The following ANXA6 variants were observed in gnomAD, a reference collection of about 807,000 sequenced individuals.
ANXA6 encodes the protein 67 kDa calelectrin.
ANXA6 carries 71 observed loss-of-function variants against 95.4 expected under a neutral mutation model. The ratio of observed to expected loss-of-function variants is 0.74; its 90% CI spans 0.61 to 0.91. ANXA6 has a LOEUF of 0.91. Ranked by LOEUF, ANXA6 falls within the 40% of genes least tolerant of loss-of-function variation. The pLI is 0.00. For synonymous variants in ANXA6, 289 were observed against 315.9 expected (o/e 0.91, Z 0.90); for missense variants, 830 against 876.4 (o/e 0.95, Z 0.67).
intron 14 of ANXA6, 31 bp downstream of exon 14, chr5:151,126,371 G>T (rs1468488467): frequency 1.3e-6 from 2 of 1,578,380 alleles, no homozygotes; most frequent in East Asian, 2.3e-5. Context: ...CTGTGGTCAA[G>T]AGGTCAAGCA....
At chr5:151,135,086 G>A (rs1765619128) in intron 7 of ANXA6, among the ~76,000 whole-genome samples, 1 of 152,138 alleles carries the variant, frequency 6.6e-6, no homozygotes, top group Non-Finnish European at 1.5e-5. Flanking sequence ...GGGAAGAGGG[G>A]CGAGCAGTAC....
At chr5:151,108,613 C>G in intron 22 of ANXA6, 63 bp from the exon 23 acceptor site, 1 of 1,427,366 alleles carries the variant, frequency 7.0e-7, no homozygotes, top group South Asian at 1.1e-5. Flanking sequence ...GAGGACCCCT[C>G]CTCAGCCCCA....
At chr5:151,128,764 G>T (rs946788430) in intron 12 of ANXA6, among the ~76,000 whole-genome samples, 3 of 152,248 alleles carry the variant, frequency 2.0e-5, no homozygotes, top group African/African-American at 7.2e-5. Flanking sequence ...AAGGCTGTGA[G>T]AAGTTCTGAG....
chr5:151,155,884 G>C (rs1005818474), intron 1 of ANXA6, among the ~76,000 whole-genome samples: 19 of 152,298 alleles, frequency 1.2e-4, no homozygotes, highest in African/African-American at 4.6e-4. Context: ...GCTGGATCCT[G>C]GTGGCCCAGG....
chr5:151,147,797 G>A, intron 2 of ANXA6, 87 bp downstream of exon 2: 8 of 1,423,542 alleles, frequency 5.6e-6, no homozygotes, highest in African/African-American at 1.4e-5. Flanking sequence ...AGGTACCAGG[G>A]GTCTCTGTAG....
At chr5:151,134,360 GCCCCAACCTCT>G in intron 8 of ANXA6, 56 bp downstream of exon 8, 1 of 1,539,884 alleles carries the variant, frequency 6.5e-7, no homozygotes, top group Admixed American at 1.7e-5. Flanking sequence ...CCTTCCCAGG[GCCCCAACCTCT>G]CCCCTCCCAA....
rs1765763043 is a variant in ANXA6 at position 151,139,376 on chromosome 5, T to C, written c.181A>G (p.Ser61Gly). 6.2e-7 allele frequency: 1 copy of C among 1,612,698 alleles called. No individual in the cohort carries two copies. Among genetic ancestry groups the C allele is most frequent in the East Asian group, 2.2e-5 (1 of 44,866 alleles). The change falls in exon 4 of 26, where the codon AGC becomes GGC. Residue 61 changes from serine to glycine, a missense_variant. By Grantham distance (56) the Ser-to-Gly change is moderately conservative. Transcript: ENST00000354546. ...ACCTTGCCGTAGAGGGACTTGTAGCTCTGGCAGACCTCCTGCCTCTGCCTG... is the reference window on the plus strand; with the variant it reads ...ACCTTGCCGTAGAGGGACTTGTAGCCCTGGCAGACCTCCTGCCTCTGCCTG... ...SNRQRQEVCQ[S>G]YKSLYGKDLI...
At chr5:151,148,800 C>T (rs979918547) in intron 1 of ANXA6, among the ~76,000 whole-genome samples, 1 of 152,040 alleles carries the variant, frequency 6.6e-6, no homozygotes, top group Non-Finnish European at 1.5e-5. Context: ...CCACCACGAG[C>T]TCAGTGTGGC....
At chr5:151,141,663 G>A (rs1765839157) in intron 2 of ANXA6, 2 of 985,364 alleles carry the variant, frequency 2.0e-6, no homozygotes, top group African/African-American at 1.7e-5. Context: ...TCTGTCTGCA[G>A]AGGCTGGCTC....
chr5:151,142,529 C>A (rs1396458506), intron 2 of ANXA6, among the ~76,000 whole-genome samples: 1 of 151,610 alleles, frequency 6.6e-6, no homozygotes, highest in African/African-American at 2.4e-5. Flanking sequence ...AAAATTATTT[C>A]TTTGCAACGA....
intron 14 of ANXA6, among the ~76,000 whole-genome samples, 192 bp from the exon 15 acceptor site, chr5:151,124,559 GAGAAAGAGAC>G: frequency 7.8e-6 from 1 of 128,700 alleles, no homozygotes; most frequent in African/African-American, 3.0e-5. Flanking sequence ...GAGAGAGAGA[GAGAAAGAGAC>G]AGAAAGATAT....
At chr5:151,126,301 T>A in intron 14 of ANXA6, 101 bp downstream of exon 14, 1 of 978,072 alleles carries the variant, frequency 1.0e-6, no homozygotes, top group Non-Finnish European at 1.6e-6. Flanking sequence ...ACGTGTCGGG[T>A]TGGCCGCCAG....
intron 20 of ANXA6, 40 bp from the exon 21 acceptor site, chr5:151,110,684 G>C: frequency 1.9e-6 from 3 of 1,612,020 alleles, no homozygotes; most frequent in Non-Finnish European, 2.5e-6. Flanking sequence ...GAGAAGGGAG[G>C]CAAGAGTCAG....
intron 20 of ANXA6, among the ~76,000 whole-genome samples, chr5:151,116,323 A>G (rs1478566167): frequency 6.6e-6 from 1 of 152,172 alleles, no homozygotes; most frequent in African/African-American, 2.4e-5. Flanking sequence ...GGGGCGGGAA[A>G]ATGAGGCAGT....
intron 20 of ANXA6, among the ~76,000 whole-genome samples, chr5:151,112,729 T>C (rs568234668): frequency 6.6e-6 from 1 of 151,946 alleles, no homozygotes; most frequent in African/African-American, 2.4e-5. Flanking sequence ...GGGGCTGAGG[T>C]GGGAGGATTG....
At chr5:151,107,750 G>T (rs968275755) in intron 23 of ANXA6, among the ~76,000 whole-genome samples, 36 of 152,096 alleles carry the variant, frequency 2.4e-4, no homozygotes, top group African/African-American at 8.7e-4. Context: ...ATTTATACAC[G>T]GTGGAATTAA....
In ANXA6 at chr5:151,117,140, C is replaced by A; in HGVS notation, c.1559G>T (p.Arg520Leu). 6.3e-7 allele frequency: 1 copy of A among 1,591,360 alleles called. No individual in the cohort carries two copies. Among genetic ancestry groups the A allele is most frequent in the South Asian group, 1.1e-5 (1 of 88,584 alleles). The change falls in exon 20 of 26, where the codon CGG (arginine) becomes CTG (leucine). Residue 520 changes from arginine (R) to leucine (L), a missense_variant. Coordinates refer to ENST00000354546, the MANE Select transcript of ANXA6 (RefSeq NM_001155.5). Reference protein sequence around the residue: ...EEGGENLDQAREDAQVAAEIL... With the variant: ...EEGGENLDQALEDAQVAAEIL... The stretch of plus-strand genomic sequence containing the variant: ...TGGGGGTCTTACCTGGGCATCTTCC[C>A]GTGCCTGGTCCAGGTTTTCTCCTCC...
At chr5:151,130,217 T>C (rs1765456201) in intron 11 of ANXA6, among the ~76,000 whole-genome samples, 1 of 151,482 alleles carries the variant, frequency 6.6e-6, no homozygotes, top group Non-Finnish European at 1.5e-5. Context: ...GCAATACTGT[T>C]ATAAGTTTTT....
chr5:151,108,085 G>A (rs1764747540), intron 23 of ANXA6, among the ~76,000 whole-genome samples: 1 of 152,024 alleles, frequency 6.6e-6, no homozygotes, highest in African/African-American at 2.4e-5. Flanking sequence ...ATGTATGAGT[G>A]TGTGTCACAT....
Sources: allele counts gnomAD v4.1 joint callset (sites outside exome capture counted in the v4.1 genomes callset), GRCh38; gene constraint gnomAD v4.1.1; transcripts MANE v1.5; gene names NCBI Gene and HGNC (gene_info 2026-07-23, HGNC 2026-07-21).